MPPED2: variants seen among roughly 807,000 people sequenced by gnomAD.
MPPED2 encodes metallophosphoesterase MPPED2.
Under a neutral mutation model 33.0 loss-of-function variants are expected in MPPED2, and 5 were observed. The ratio of observed to expected loss-of-function variants is 0.15; its 90% CI spans 0.08 to 0.32. The LOEUF (loss-of-function observed/expected upper bound fraction) is 0.32. MPPED2 is among the 10% of genes least tolerant of loss of function. The pLI is 1.00. For missense variants in MPPED2, 275 were observed against 372.1 expected (o/e 0.74, Z 2.15); for synonymous variants, 136 against 141.9 (o/e 0.96, Z 0.29).
chr11:30,501,324 C>T (rs1013350516), intron 3 of MPPED2, among the ~76,000 whole-genome samples: 1 of 152,150 alleles, frequency 6.6e-6, no homozygotes, highest in African/African-American at 2.4e-5. Flanking sequence ...TTTCTCATGG[C>T]AGAAACTGGC....
chr11:30,398,181 T>C (rs992276752), intron 6 of MPPED2, among the ~76,000 whole-genome samples: 6 of 152,198 alleles, frequency 3.9e-5, no homozygotes, highest in Admixed American at 3.3e-4. Flanking sequence ...AATTCACTCA[T>C]ATTCTTTCAG....
chr11:30,586,003 C>G lies in MPPED2; in HGVS notation c.-122+39G>C, dbSNP rs1957453890. 6.6e-6 allele frequency: 1 copy of G among 152,388 alleles called. No individual in the cohort carries two copies. The highest frequency in any genetic ancestry group is 6.5e-5 in the Admixed American group (1 of 15,292). 9.4% of individuals were successfully genotyped at this position (152,388 alleles called of 1,614,324 possible). On this transcript the variant is annotated intron_variant, in intron 1 of 6. Transcript: ENST00000358117. This position sits in a 1 kb window ranked among gnomAD's most constrained non-coding sequence, Gnocchi z 4.8. ...ACCGGGCTCCCGGCCGCCTCCTCCC[C>G]CTCCCCCGCCCTCCGCCTCCCTTCC... is the stretch of plus-strand genomic sequence containing the variant.
chr11:30,509,967 A>G (rs1292884550), intron 3 of MPPED2, among the ~76,000 whole-genome samples: 2 of 152,196 alleles, frequency 1.3e-5, no homozygotes, highest in African/African-American at 2.4e-5. Context: ...CACTTTGTAG[A>G]TCAGAATGTT....
chr11:30,478,704 AG>A (rs1951334777), intron 4 of MPPED2, among the ~76,000 whole-genome samples: 1 of 152,216 alleles, frequency 6.6e-6, no homozygotes, highest in Admixed American at 6.5e-5. Flanking sequence ...CTGTAGTCAC[AG>A]GGTCTATGAA....
intron 4 of MPPED2, among the ~76,000 whole-genome samples, chr11:30,453,258 T>A (rs748726397): frequency 6.6e-6 from 1 of 152,180 alleles, no homozygotes; most frequent in Non-Finnish European, 1.5e-5. Flanking sequence ...CGAAGAAGAC[T>A]CCACACCTCT....
At chr11:30,454,559 T>G (rs1334462927) in intron 4 of MPPED2, among the ~76,000 whole-genome samples, 1 of 151,194 alleles carries the variant, frequency 6.6e-6, no homozygotes, top group Admixed American at 6.6e-5. Flanking sequence ...TGACCTAGTT[T>G]AAAAAAAAAG....
intron 2 of MPPED2, among the ~76,000 whole-genome samples, chr11:30,576,270 T>C (rs936905345): frequency 6.6e-6 from 1 of 152,174 alleles, no homozygotes; most frequent in Non-Finnish European, 1.5e-5. Context: ...TTAAACCCGG[T>C]AATCTGATTC....
rs149466207 is a variant in MPPED2 at position 30,528,619 on chromosome 11, GT to G, written c.310+7374del. 2.4e-3 allele frequency among the ~76,000 whole-genome samples: 358 copies of G among 152,200 alleles called. 3 individuals carry two copies. The highest frequency in any genetic ancestry group is 8.1e-3 in the African/African-American group (336 of 41,526). Reference sequence around the variant, plus strand: ...TTCATAATTAGAAAATCGTTTACAGGTTTTTATTTATTTATTTATAATTGAG... The same window carrying G: ...TTCATAATTAGAAAATCGTTTACAGGTTTTATTTATTTATTTATAATTGAG... On this transcript the variant is annotated intron_variant, in intron 3 of 6. Coordinates refer to ENST00000358117, the MANE Select transcript of MPPED2 (RefSeq NM_001584.3).
chr11:30,540,138 T>C (rs1955019311), intron 2 of MPPED2, among the ~76,000 whole-genome samples: 1 of 152,230 alleles, frequency 6.6e-6, no homozygotes, highest in Non-Finnish European at 1.5e-5. Flanking sequence ...GCAACTTCCT[T>C]GATTTCTTTA....
chr11:30,505,673 G>T (rs17401339), intron 3 of MPPED2, among the ~76,000 whole-genome samples: 5 of 152,256 alleles, frequency 3.3e-5, no homozygotes, highest in Admixed American at 2.0e-4. Context: ...TTAGAAAACC[G>T]CATCCAAATC....
intron 3 of MPPED2, among the ~76,000 whole-genome samples, chr11:30,535,372 T>G (rs1360059997): frequency 3.9e-5 from 6 of 152,176 alleles, no homozygotes; most frequent in Non-Finnish European, 8.8e-5. Context: ...TTGCAGTAAC[T>G]GACCTGTGGG....
intron 4 of MPPED2, among the ~76,000 whole-genome samples, chr11:30,424,941 G>A (rs1025371294): frequency 8.5e-5 from 13 of 152,216 alleles, no homozygotes; most frequent in Non-Finnish European, 1.9e-4. Context: ...TGCTTGGGAA[G>A]CCTGGCTAGC....
chr11:30,495,032 T>C, intron 4 of MPPED2: 1 of 431,688 alleles, frequency 2.3e-6, no homozygotes, highest in Non-Finnish European at 4.1e-6. Context: ...CCTGGACCAA[T>C]ACCCCATGGA....
At chr11:30,432,575 T>TTAC (rs1949129014) in intron 4 of MPPED2, among the ~76,000 whole-genome samples, 1 of 152,200 alleles carries the variant, frequency 6.6e-6, no homozygotes, top group Admixed American at 6.5e-5. Context: ...TTTCCTATAT[T>TTAC]TACACAAGGC....
intron 2 of MPPED2, among the ~76,000 whole-genome samples, chr11:30,573,216 A>G (rs1368543524): frequency 6.6e-6 from 1 of 152,180 alleles, no homozygotes; most frequent in Non-Finnish European, 1.5e-5. Flanking sequence ...GCCTAATGAC[A>G]TTAGCTGTCA....
chr11:30,386,307 C>G (rs1430037678), exon 7 of MPPED2: 1 of 157,206 alleles, frequency 6.4e-6, no homozygotes, highest in East Asian at 1.8e-4. Context: ...GCCACCCCCC[C>G]ATCACAGGCC....
intron 3 of MPPED2, among the ~76,000 whole-genome samples, chr11:30,505,874 A>T (rs1281860676): frequency 6.6e-6 from 1 of 152,198 alleles, no homozygotes; most frequent in Non-Finnish European, 1.5e-5. Flanking sequence ...TGTTAAACTC[A>T]GACTCCAAAC....
intron 4 of MPPED2, among the ~76,000 whole-genome samples, chr11:30,443,707 A>T (rs1949682806): frequency 6.6e-6 from 1 of 152,172 alleles, no homozygotes; most frequent in Non-Finnish European, 1.5e-5. Context: ...ATAAATACTC[A>T]TCTCCCCCAC....
intron 4 of MPPED2, among the ~76,000 whole-genome samples, chr11:30,444,264 A>T (rs979068748): frequency 6.6e-6 from 1 of 152,170 alleles, no homozygotes; most frequent in African/African-American, 2.4e-5. Flanking sequence ...GTTATAACGT[A>T]ATGAAAATGA....
Sources: gnomAD v4.1 joint callset for allele counts (sites outside exome capture counted in the v4.1 genomes callset) on GRCh38, gnomAD v4.1.1 for gene constraint, Gnocchi (gnomAD v3.1) non-coding constraint, MANE v1.5 for transcripts, NCBI Gene and HGNC (gene_info 2026-07-23, HGNC 2026-07-21) for gene names.